The following MBTD1 variants were observed in gnomAD, a reference collection of about 807,000 sequenced individuals.
The protein encoded by MBTD1 is MBT domain-containing protein 1.
A neutral mutation model predicts 87.8 loss-of-function variants in MBTD1; 24 were observed. The ratio of observed to expected loss-of-function variants is 0.27; its 90% CI spans 0.20 to 0.38. The LOEUF is 0.38. MBTD1 is among the 10% of genes least tolerant of loss of function. MBTD1 has a pLI of 1.00. For synonymous variants in MBTD1, 237 were observed against 248.6 expected (o/e 0.95, Z 0.44); for missense variants, 436 against 760.2 (o/e 0.57, Z 5.02).
chr17:51,258,665 G>T (rs998709796), intron 2 of MBTD1, among the ~76,000 whole-genome samples: 1 of 152,154 alleles, frequency 6.6e-6, no homozygotes, highest in African/African-American at 2.4e-5. Context: ...GACATCCTTA[G>T]AAGTGATTTA....
intron 2 of MBTD1, among the ~76,000 whole-genome samples, chr17:51,255,226 A>C (rs1014765855): frequency 3.9e-5 from 6 of 152,118 alleles, no homozygotes; most frequent in Admixed American, 1.3e-4. Flanking sequence ...GACTGCAGTG[A>C]GCCGAGCTCA....
At chr17:51,243,172 G>C (rs954849769) in intron 2 of MBTD1, among the ~76,000 whole-genome samples, 5 of 152,102 alleles carry the variant, frequency 3.3e-5, no homozygotes, top group Admixed American at 2.0e-4. Flanking sequence ...GTAATCATTT[G>C]CACCAGCAAT....
At position 51,259,720 on chromosome 17, in the gene MBTD1, G is replaced by A. The variant is rs374504984; in HGVS notation, c.-113+115C>T. 5.0e-6 allele frequency: 5 copies of A among 997,110 alleles called. No homozygotes were observed. The South Asian group carries it at 1.5e-4, about 30-fold the overall frequency. The allele number at this position is 997,110 out of a possible 1,614,324, so 61.8% of individuals were successfully genotyped here. A position where few individuals can be genotyped will look rare whatever the true frequency, so the allele number is the denominator to read the frequency against. ...GGCTCCGGAGGTTGAGAGGGCGTGG[G>A]ATGGAGAAGCAGGCCAGGGAGCGGG... On this transcript the variant is annotated intron_variant, in intron 1 of 16. Coordinates refer to ENST00000586178, the MANE Select transcript of MBTD1 (RefSeq NM_017643.3).
At chr17:51,221,942 G>A (rs983444263) in intron 3 of MBTD1, among the ~76,000 whole-genome samples, 4 of 152,122 alleles carry the variant, frequency 2.6e-5, no homozygotes, top group African/African-American at 7.2e-5. Flanking sequence ...ATGGAAAAAA[G>A]ATAAAAATGC....
At chr17:51,219,211 A>G (rs151267661) in intron 4 of MBTD1, among the ~76,000 whole-genome samples, 167 bp from the exon 5 acceptor site, 1 of 152,270 alleles carries the variant, frequency 6.6e-6, no homozygotes, top group African/African-American at 2.4e-5. Context: ...TTTTTTCTGG[A>G]GTTCTGCTAC....
intron 2 of MBTD1, among the ~76,000 whole-genome samples, chr17:51,236,706 C>G (rs2053859227): frequency 6.6e-6 from 1 of 151,970 alleles, no homozygotes; most frequent in Non-Finnish European, 1.5e-5. Context: ...TCTCTGTTTG[C>G]TTATATATCT....
intron 2 of MBTD1, among the ~76,000 whole-genome samples, chr17:51,255,458 G>A (rs992861228): frequency 1.3e-5 from 2 of 152,164 alleles, no homozygotes; most frequent in Admixed American, 6.5e-5. Context: ...AGTAACTACA[G>A]GGTGTTAATA....
At chr17:51,240,898 T>G (rs2054127001) in intron 2 of MBTD1, among the ~76,000 whole-genome samples, 1 of 152,184 alleles carries the variant, frequency 6.6e-6, no homozygotes, top group East Asian at 1.9e-4. Context: ...ATACTTAGGT[T>G]GCACTGCCTA....
At chr17:51,225,658 AG>A (rs2053172445) in intron 2 of MBTD1, among the ~76,000 whole-genome samples, 1 of 152,008 alleles carries the variant, frequency 6.6e-6, no homozygotes, top group South Asian at 2.1e-4. Context: ...CCCTGCCTCA[AG>A]GGATGTCCTG....
At chr17:51,253,996 T>G (rs1472797471) in intron 2 of MBTD1, among the ~76,000 whole-genome samples, 2 of 152,178 alleles carry the variant, frequency 1.3e-5, no homozygotes, top group African/African-American at 4.8e-5. Flanking sequence ...ATGAGTAAAC[T>G]CACCAGATAT....
chr17:51,204,797 G>A (rs1419805752), intron 7 of MBTD1, among the ~76,000 whole-genome samples: 1 of 152,128 alleles, frequency 6.6e-6, no homozygotes, highest in Non-Finnish European at 1.5e-5. Context: ...CACTGTGCTT[G>A]GCCTTGAAAT....
intron 2 of MBTD1, among the ~76,000 whole-genome samples, chr17:51,239,918 G>A (rs1349472457): frequency 2.6e-5 from 4 of 152,068 alleles, no homozygotes; most frequent in South Asian, 4.2e-4. Flanking sequence ...TCTACCATCC[G>A]TCCTCCAGTT....
intron 2 of MBTD1, among the ~76,000 whole-genome samples, chr17:51,256,987 T>C (rs752550957): frequency 1.5e-4 from 23 of 152,170 alleles, no homozygotes; most frequent in Non-Finnish European, 2.8e-4. Context: ...ATTATTTCCT[T>C]TTCACCTTTT....
chr17:51,201,842 A>G, intron 11 of MBTD1, 146 bp from the exon 12 acceptor site: 1 of 736,110 alleles, frequency 1.4e-6, no homozygotes, highest in Non-Finnish European at 2.3e-6. Context: ...TTTAGAGAGA[A>G]TTCAGACAAA....
chr17:51,258,050 C>G lies in MBTD1; in HGVS notation c.-49+1093G>C, dbSNP rs1295946142. Among the ~76,000 whole-genome samples, 3 of 150,884 alleles carry G rather than the reference C, an allele frequency of 2.0e-5. No individual in the cohort carries two copies. The East Asian group carries it at 5.8e-4, about 29-fold the overall frequency. On this transcript the variant is annotated intron_variant, in intron 2 of 16. Coordinates refer to ENST00000586178, the MANE Select transcript of MBTD1 (RefSeq NM_017643.3). The stretch of plus-strand genomic sequence containing the variant: ...TACAGCTATTTTCTTTCTAAACACT[C>G]TGGTGTTGAGGTAAACAAATGAAAA...
At chr17:51,191,030 A>G (rs9890325) in intron 16 of MBTD1, among the ~76,000 whole-genome samples, 6,259 of 151,818 alleles carry the variant, frequency 0.041, 442 homozygotes, top group African/African-American at 0.14. Context: ...GGCTGTAGTG[A>G]GCGGAGATTG....
At chr17:51,223,848 C>T (rs1386705804) in intron 3 of MBTD1, among the ~76,000 whole-genome samples, 2 of 152,020 alleles carry the variant, frequency 1.3e-5, no homozygotes, top group African/African-American at 4.8e-5. Flanking sequence ...ACAACAACAA[C>T]AATTTCTAAG....
rs376999755 is a variant in MBTD1, at chr17:51,239,685, C to T, written c.-48-14476G>A. ...TGTCTAGCATCATTTGTGGCAGTAA[C>T]ACTCGCCTTTATCCCCCAGCGGTGA... On this transcript the variant is annotated intron_variant, in intron 2 of 16. Coordinates refer to ENST00000586178, the MANE Select transcript of MBTD1 (RefSeq NM_017643.3). Among the ~76,000 whole-genome samples the T allele has an allele frequency of 3.2e-3, 491 of 152,092 alleles. 2 individuals are homozygous for T. The highest frequency in any genetic ancestry group is 0.012 in the South Asian group (58 of 4,824).
intron 2 of MBTD1, among the ~76,000 whole-genome samples, chr17:51,241,474 C>T (rs1485967208): frequency 6.6e-6 from 1 of 152,204 alleles, no homozygotes; most frequent in Non-Finnish European, 1.5e-5. Context: ...CCAACATTCC[C>T]TGCACGTTCA....
Sources: gnomAD v4.1 joint callset for allele counts (sites outside exome capture counted in the v4.1 genomes callset) on GRCh38, gnomAD v4.1.1 for gene constraint, MANE v1.5 for transcripts, NCBI Gene and HGNC (gene_info 2026-07-23, HGNC 2026-07-21) for gene names.